Variants in KANSL1 observed in about 807,000 individuals in gnomAD.
The protein encoded by KANSL1 is MLL1/MLL complex subunit KANSL1.
Under a neutral mutation model 103.6 loss-of-function variants are expected in KANSL1, and 22 were observed. The ratio of observed to expected loss-of-function variants is 0.21; its 90% CI spans 0.15 to 0.30. The LOEUF (loss-of-function observed/expected upper bound fraction) is 0.30. Ranked by LOEUF, KANSL1 falls within the 10% of genes least tolerant of loss-of-function variation. KANSL1 has a pLI of 1.00. For missense variants in KANSL1, 1,337 were observed against 1,399.8 expected (o/e 0.96, Z 0.72); for synonymous variants, 600 against 527.6 (o/e 1.14, Z -1.88).
chr17:46,152,753 T>C (rs561199924), intron 2 of KANSL1, among the ~76,000 whole-genome samples: 98 of 152,340 alleles, frequency 6.4e-4, no homozygotes, highest in African/African-American at 2.3e-3. Context: ...AAGTTACTGG[T>C]TTTTATACCT....
At chr17:46,119,720 C>CGAA (rs1451912249) in intron 2 of KANSL1, among the ~76,000 whole-genome samples, 3 of 152,240 alleles carry the variant, frequency 2.0e-5, no homozygotes, top group Non-Finnish European at 2.9e-5. Context: ...AATGTTTTCA[C>CGAA]CTTCCTGCTC....
rs1223268203 is a variant in KANSL1, at chr17:46,067,676, G to A, written c.1534-9C>T. The stretch of plus-strand genomic sequence containing the variant: ...TGAGAAACAGACTCAATCTGATTAA[G>A]AAAAAGGAAAAAAGAAATTAACATG... On this transcript the variant is annotated splice_polypyrimidine_tract_variant and intron_variant, in intron 4 of 14. Transcript: ENST00000432791. The A allele has an allele frequency of 1.4e-6, 2 of 1,420,222 alleles. No individual in the cohort carries two copies. The highest frequency in any genetic ancestry group is 1.7e-5 in the Admixed American group (1 of 57,474). 88.0% of individuals were successfully genotyped at this position (1,420,222 alleles called of 1,614,324 possible).
At chr17:46,186,919 G>C (rs1490945312) in intron 1 of KANSL1, among the ~76,000 whole-genome samples, 1 of 151,694 alleles carries the variant, frequency 6.6e-6, no homozygotes, top group Non-Finnish European at 1.5e-5. Context: ...TTTTTTAGTA[G>C]AGACAGGGTT....
chr17:46,047,751 G>C (rs1330563376), intron 7 of KANSL1, among the ~76,000 whole-genome samples: 1 of 146,268 alleles, frequency 6.8e-6, no homozygotes, highest in Admixed American at 7.0e-5. Context: ...TCACTCCACT[G>C]AACTCCAGCT....
At chr17:46,175,420 G>A (rs1202655633) in intron 1 of KANSL1, among the ~76,000 whole-genome samples, 3 of 151,076 alleles carry the variant, frequency 2.0e-5, no homozygotes, top group African/African-American at 7.3e-5. Flanking sequence ...CGTGATCTCG[G>A]CTCACTGCAA....
intron 4 of KANSL1, among the ~76,000 whole-genome samples, chr17:46,081,247 T>C (rs572941244): frequency 6.6e-6 from 1 of 152,318 alleles, no homozygotes; most frequent in African/African-American, 2.4e-5. Flanking sequence ...AGTATCTACA[T>C]AGAACTTACT....
At position 46,171,631 on chromosome 17, in the gene KANSL1, G is replaced by A; in HGVS notation, c.513C>T (p.Asp171=). 1 of 1,567,744 alleles carries A rather than the reference G, an allele frequency of 6.4e-7. No individual in the cohort carries two copies. The highest frequency in any genetic ancestry group is 8.6e-7 in the Non-Finnish European group (1 of 1,160,986). The change falls in exon 2 of 15, where the codon GAC becomes GAT. Residue 171 remains aspartate (D), a synonymous_variant. Transcript: ENST00000432791. ...LTKSSTHSDH[D]NSTSLNGGKR... is the part of the protein sequence containing the mutation. ...TTCCCCCATTGAGGGAAGTGGAATT[G>A]TCATGATCAGAATGTGTTGAACTTT...
At chr17:46,187,108 T>C (rs896139979) in intron 1 of KANSL1, among the ~76,000 whole-genome samples, 2 of 152,240 alleles carry the variant, frequency 1.3e-5, no homozygotes, top group Non-Finnish European at 2.9e-5. Flanking sequence ...TTTGAGCCTC[T>C]TTCCCTTCAC....
rs12452779 is a variant in KANSL1 at position 46,145,741 on chromosome 17, T to C, written c.1289+25114A>G. Among the ~76,000 whole-genome samples the C allele has an allele frequency of 5.0e-3, 766 of 152,322 alleles. 17 individuals are homozygous for C. Among genetic ancestry groups the C allele is most frequent in the African/African-American group, 0.018 (739 of 41,546 alleles). ...CATCCATACTAGCTTTTCCTTGTTT[T>C]TTTCTTGAGAGGAGTGACTCTCTGT... On this transcript the variant is annotated intron_variant, in intron 2 of 14. Transcript: ENST00000432791.
At chr17:46,111,366 G>A (rs2042796883) in intron 2 of KANSL1, among the ~76,000 whole-genome samples, 1 of 152,278 alleles carries the variant, frequency 6.6e-6, no homozygotes, top group African/African-American at 2.4e-5. Context: ...GTGCTGCCAA[G>A]CCCAGCTAAT....
chr17:46,160,335 C>T (rs1341050872), intron 2 of KANSL1, among the ~76,000 whole-genome samples: 4 of 152,186 alleles, frequency 2.6e-5, no homozygotes, highest in Non-Finnish European at 4.4e-5. Flanking sequence ...TCTCACTCTG[C>T]TGCTCACGCT....
intron 2 of KANSL1, among the ~76,000 whole-genome samples, chr17:46,109,109 C>A (rs2042694226): frequency 6.6e-6 from 1 of 152,246 alleles, no homozygotes; most frequent in East Asian, 1.9e-4. Context: ...ACCACCACGC[C>A]CAGCTAATTT....
At chr17:46,194,201 AAC>A (rs577715520), upstream of KANSL1, among the ~76,000 whole-genome samples, 251 of 152,390 alleles carry the variant, frequency 1.6e-3, 2 homozygotes, top group Admixed American at 1.8e-3. Flanking sequence ...TTCGTGAAGA[AAC>A]ACGCGTCTTG....
At chr17:46,122,828 CCAT>C (rs2043342246) in intron 2 of KANSL1, among the ~76,000 whole-genome samples, 1 of 152,112 alleles carries the variant, frequency 6.6e-6, no homozygotes, top group Admixed American at 6.5e-5. Context: ...CGAACCGCAC[CCAT>C]AAAAGATGGA....
At chr17:46,053,560 T>C (rs892130377) in intron 6 of KANSL1, among the ~76,000 whole-genome samples, 9 of 152,002 alleles carry the variant, frequency 5.9e-5, no homozygotes, top group African/African-American at 2.2e-4. Flanking sequence ...GCCTCTCAAG[T>C]AGCTGGGACT....
In KANSL1 at chr17:46,031,650, C is replaced by CGGT. The variant is rs772894204; in HGVS notation, c.3143_3144insACC (p.Ala1048_Glu1049insPro). 1 of 1,612,770 alleles carries CGGT rather than the reference C, an allele frequency of 6.2e-7. No individual in the cohort carries two copies. The highest frequency in any genetic ancestry group is 1.1e-5 in the South Asian group (1 of 91,042). ...GTGCATCCAGCTGGTCCTCACACTC[C>CGGT]GCCTGGGGACTGTGCGCCAGGGGGA... On this transcript the variant is annotated inframe_insertion, in exon 15 of 15. Coordinates refer to ENST00000432791, the MANE Select transcript of KANSL1 (RefSeq NM_015443.4).
chr17:46,039,034 T>C lies in KANSL1; in HGVS notation c.2385A>G (p.Arg795=). The C allele has an allele frequency of 6.2e-7, 1 of 1,610,494 alleles. No homozygotes were observed. The highest frequency in any genetic ancestry group is 1.1e-5 in the South Asian group (1 of 90,716). ...KMRLRDHSSE[R]SEVLKHHTDM... ...CCATGGGCCTGGCCCTACCTTCACTTCTCTCAGATGAATGGTCTCGCAATC... is the reference window on the plus strand; with the variant it reads ...CCATGGGCCTGGCCCTACCTTCACTCCTCTCAGATGAATGGTCTCGCAATC... The change falls in exon 9 of 15, where the codon AGA becomes AGG. Residue 795 remains arginine, a synonymous_variant. Transcript: ENST00000432791.
intron 2 of KANSL1, among the ~76,000 whole-genome samples, chr17:46,164,018 C>A (rs2045876246): frequency 1.3e-5 from 2 of 152,252 alleles, no homozygotes; most frequent in Admixed American, 1.3e-4. Context: ...CACTAAGTGC[C>A]AGGCACTGTT....
At chr17:46,175,314 G>C (rs1449604701) in intron 1 of KANSL1, among the ~76,000 whole-genome samples, 29 of 16,956 alleles carry the variant, frequency 1.7e-3, no homozygotes, top group South Asian at 4.8e-3. Context: ...TTATTGCTGT[G>C]TGTGTGTGTG....
Sources: allele counts gnomAD v4.1 joint callset (sites outside exome capture counted in the v4.1 genomes callset), GRCh38; gene constraint gnomAD v4.1.1; transcripts MANE v1.5; gene names NCBI Gene and HGNC (gene_info 2026-07-23, HGNC 2026-07-21).